Variants in SORCS3 observed in about 807,000 individuals in gnomAD.
SORCS3 encodes VPS10 domain-containing receptor SorCS3.
In SORCS3, 57 loss-of-function variants were observed where a neutral mutation model predicts 146.3. The observed-to-expected ratio is 0.39, with a 90% CI of 0.31 to 0.49. The LOEUF (loss-of-function observed/expected upper bound fraction) is 0.49. Ranked by LOEUF, SORCS3 falls within the 20% of genes least tolerant of loss-of-function variation. The pLI is 0.92. For synonymous variants in SORCS3, 653 were observed against 618.5 expected (o/e 1.06, Z -0.83); for missense variants, 1,341 against 1,575.5 (o/e 0.85, Z 2.52).
intron 1 of SORCS3, among the ~76,000 whole-genome samples, chr10:104,736,840 T>A (rs1266016509): frequency 2.6e-5 from 4 of 152,096 alleles, no homozygotes; most frequent in African/African-American, 9.6e-5. Context: ...TGCAGGTTAG[T>A]TACATATGTA....
intron 7 of SORCS3, among the ~76,000 whole-genome samples, chr10:105,112,222 G>A (rs1282413228): frequency 1.3e-5 from 2 of 150,928 alleles, no homozygotes; most frequent in African/African-American, 4.9e-5. Flanking sequence ...TTGTTTGTTT[G>A]TTTTATTTTG....
chr10:104,662,071 A>T (rs2015709796), intron 1 of SORCS3, among the ~76,000 whole-genome samples: 1 of 152,210 alleles, frequency 6.6e-6, no homozygotes, highest in African/African-American at 2.4e-5. Context: ...GAGAAGTTAG[A>T]TTATCAAGCT....
intron 7 of SORCS3, among the ~76,000 whole-genome samples, chr10:105,133,125 G>A (rs1011061225): frequency 3.3e-5 from 5 of 152,172 alleles, no homozygotes; most frequent in East Asian, 1.9e-4. Flanking sequence ...AGGGCTGTGC[G>A]ATCTTTGGAA....
In SORCS3 at chr10:104,916,821, G is replaced by T. The variant is rs554968669; in HGVS notation, c.795+889G>T. Among the ~76,000 whole-genome samples the T allele has an allele frequency of 2.0e-5, 3 of 152,196 alleles. No homozygotes were observed. The East Asian group carries it at 5.8e-4, about 29-fold the overall frequency. On this transcript the variant is annotated intron_variant, in intron 3 of 26. Coordinates refer to ENST00000369701, the MANE Select transcript of SORCS3 (RefSeq NM_014978.3). ...CTTGCAATCTGATTTGCATTCCCCCGTGGTTTTGCCAGTGCTTTCTTCCTC... is the reference window on the plus strand; with the variant it reads ...CTTGCAATCTGATTTGCATTCCCCCTTGGTTTTGCCAGTGCTTTCTTCCTC...
intron 6 of SORCS3, among the ~76,000 whole-genome samples, chr10:105,096,034 G>C (rs140548879): frequency 6.6e-5 from 10 of 151,900 alleles, no homozygotes; most frequent in Non-Finnish European, 1.3e-4. Flanking sequence ...CCACTCCTCT[G>C]TAATGGAACA....
intron 14 of SORCS3, among the ~76,000 whole-genome samples, chr10:105,187,198 C>T (rs921348854): frequency 7.2e-5 from 11 of 152,104 alleles, no homozygotes; most frequent in Non-Finnish European, 1.5e-4. Context: ...GTCTCTTTCT[C>T]GGTTTTCCTT....
At chr10:104,914,568 G>T (rs559688103) in intron 2 of SORCS3, among the ~76,000 whole-genome samples, 1 of 152,262 alleles carries the variant, frequency 6.6e-6, no homozygotes, top group South Asian at 2.1e-4. Context: ...CAAGCCATCG[G>T]GCTGATGTGA....
chr10:104,783,017 G>A (rs1314791289), intron 1 of SORCS3, among the ~76,000 whole-genome samples: 5 of 152,114 alleles, frequency 3.3e-5, no homozygotes, highest in Non-Finnish European at 7.4e-5. Context: ...TTCTTTCCAG[G>A]TCTCATATTT....
At chr10:105,164,196 T>C in intron 11 of SORCS3, 107 bp from the exon 12 acceptor site, 1 of 817,286 alleles carries the variant, frequency 1.2e-6, no homozygotes. Flanking sequence ...AAATTAGCTG[T>C]AAATATCACT....
chr10:105,099,680 A>T (rs2055769794), intron 6 of SORCS3, among the ~76,000 whole-genome samples: 1 of 152,132 alleles, frequency 6.6e-6, no homozygotes, highest in South Asian at 2.1e-4. Context: ...GATGTAGATG[A>T]GGGGCTTGTC....
intron 9 of SORCS3, among the ~76,000 whole-genome samples, chr10:105,154,080 A>AAAAAG (rs2056188361): frequency 6.6e-6 from 1 of 150,872 alleles, no homozygotes; most frequent in African/African-American, 2.4e-5. Context: ...AAAAAAAAAA[A>AAAAAG]AAAAAAAAGA....
chr10:105,102,924 G>A (rs558868128), intron 6 of SORCS3, among the ~76,000 whole-genome samples: 1 of 151,346 alleles, frequency 6.6e-6, no homozygotes, highest in Non-Finnish European at 1.5e-5. Context: ...CGAGTAGCTG[G>A]GATTACAGGC....
intron 2 of SORCS3, among the ~76,000 whole-genome samples, chr10:104,905,465 C>T (rs2018895918): frequency 1.3e-5 from 2 of 152,166 alleles, no homozygotes; most frequent in Admixed American, 1.3e-4. Context: ...ATTAGTTTCT[C>T]ACAGCAGAAC....
At chr10:105,107,610 A>G (rs1010197012) in intron 7 of SORCS3, among the ~76,000 whole-genome samples, 3 of 152,144 alleles carry the variant, frequency 2.0e-5, no homozygotes, top group African/African-American at 7.2e-5. Flanking sequence ...TTGAAAAGAT[A>G]TGCGGTTTCA....
chr10:105,059,039 G>C (rs568449729), intron 5 of SORCS3, among the ~76,000 whole-genome samples: 1 of 152,036 alleles, frequency 6.6e-6, no homozygotes, highest in African/African-American at 2.4e-5. Flanking sequence ...TCTGGACCTG[G>C]GCCTCAGGAA....
chr10:105,069,473 C>A (rs888223102), intron 5 of SORCS3, among the ~76,000 whole-genome samples: 2 of 152,140 alleles, frequency 1.3e-5, no homozygotes, highest in Non-Finnish European at 2.9e-5. Flanking sequence ...GATAATAATG[C>A]CATCTACCTC....
At chr10:104,929,132 T>C (rs1432409709) in intron 3 of SORCS3, among the ~76,000 whole-genome samples, 1 of 152,252 alleles carries the variant, frequency 6.6e-6, no homozygotes, top group African/African-American at 2.4e-5. Flanking sequence ...TCAGTTGCTG[T>C]GTGACCTTGA....
At chr10:104,899,576 G>C (rs2018831150) in intron 2 of SORCS3, among the ~76,000 whole-genome samples, 1 of 152,186 alleles carries the variant, frequency 6.6e-6, no homozygotes, top group South Asian at 2.1e-4. Flanking sequence ...TGGATGAATT[G>C]CATGGCCAAT....
chr10:105,097,845 T>C (rs569265113), intron 6 of SORCS3, among the ~76,000 whole-genome samples: 1 of 152,286 alleles, frequency 6.6e-6, no homozygotes, highest in Admixed American at 6.5e-5. Context: ...CATGGGGCAC[T>C]GTGATAAGTG....
Sources: allele counts gnomAD v4.1 joint callset (sites outside exome capture counted in the v4.1 genomes callset), GRCh38; gene constraint gnomAD v4.1.1; transcripts MANE v1.5; gene names NCBI Gene and HGNC (gene_info 2026-07-23, HGNC 2026-07-21).